The following ADGRL3 variants were observed in gnomAD, a reference collection of about 807,000 sequenced individuals.
ADGRL3 encodes the protein adhesion G protein-coupled receptor L3.
ADGRL3 carries 62 observed loss-of-function variants against 153.5 expected under a neutral mutation model. The ratio of observed to expected loss-of-function variants is 0.40; its 90% CI spans 0.33 to 0.50. ADGRL3 has a LOEUF of 0.50. Among genes scored for constraint, ADGRL3 ranks in the 20% least tolerant of loss-of-function variants. The probability of loss-of-function intolerance (pLI) is 0.47; values close to 1 mark genes in which losing one functional copy is unlikely to be tolerated. For synonymous variants in ADGRL3, 710 were observed against 672.5 expected, an observed-to-expected ratio of 1.06 and a Z score of -0.86; for missense variants, 1,641 against 1,859.4, an observed-to-expected ratio of 0.88 and a Z score of 2.16.
chr4:61,770,867 A>G (rs1239863309), intron 8 of ADGRL3, among the ~76,000 whole-genome samples: 2 of 152,208 alleles, frequency 1.3e-5, no homozygotes, highest in East Asian at 1.9e-4. Flanking sequence ...AAATTGTTAC[A>G]CAAAGCCTTT....
At chr4:61,382,441 C>T (rs969822114) in intron 1 of ADGRL3, among the ~76,000 whole-genome samples, 4 of 151,094 alleles carry the variant, frequency 2.6e-5, no homozygotes, top group African/African-American at 7.3e-5. Flanking sequence ...ATACTTTGAA[C>T]GATAATACTA....
chr4:61,849,953 A>C (rs1366411879), intron 9 of ADGRL3, among the ~76,000 whole-genome samples: 1 of 152,148 alleles, frequency 6.6e-6, no homozygotes, highest in African/African-American at 2.4e-5. Flanking sequence ...ATTCACTTGA[A>C]TTATGACATA....
intron 4 of ADGRL3, among the ~76,000 whole-genome samples, chr4:61,521,777 G>A (rs766559498): frequency 2.0e-5 from 3 of 152,058 alleles, no homozygotes; most frequent in South Asian, 2.1e-4. Context: ...GACAGGAGGA[G>A]ATGGAGAATG....
chr4:61,869,963 AGAGAGAGAGAG>A (rs1561390278), intron 9 of ADGRL3, among the ~76,000 whole-genome samples: 10 of 93,520 alleles, frequency 1.1e-4, no homozygotes, highest in South Asian at 4.0e-4. Flanking sequence ...AAAAAAAAAG[AGAGAGAGAGAG>A]AAAGAGAGAG....
intron 2 of ADGRL3, among the ~76,000 whole-genome samples, chr4:61,407,482 G>A (rs971880269): frequency 4.6e-5 from 7 of 151,896 alleles, no homozygotes; most frequent in Non-Finnish European, 8.8e-5. Context: ...AATGTTGGTG[G>A]TTCTCACAAA....
intron 6 of ADGRL3, among the ~76,000 whole-genome samples, chr4:61,722,715 A>C (rs1224245184): frequency 6.6e-6 from 1 of 152,156 alleles, no homozygotes; most frequent in East Asian, 1.9e-4. Flanking sequence ...AGATAGGTTT[A>C]AGATCTTTAC....
At chr4:61,422,372 A>T (rs887799757) in intron 2 of ADGRL3, among the ~76,000 whole-genome samples, 13 of 152,036 alleles carry the variant, frequency 8.6e-5, no homozygotes, top group African/African-American at 3.1e-4. Flanking sequence ...TTCATTTCTC[A>T]TCATGTATTT....
At chr4:61,760,555 T>TCACC (rs1235515703) in intron 8 of ADGRL3, among the ~76,000 whole-genome samples, 1 of 152,212 alleles carries the variant, frequency 6.6e-6, no homozygotes, top group Non-Finnish European at 1.5e-5. Flanking sequence ...GTGCTGTCTG[T>TCACC]CACCCCTTTC....
intron 17 of ADGRL3, among the ~76,000 whole-genome samples, chr4:61,955,088 T>C (rs949923966): frequency 6.6e-6 from 1 of 152,182 alleles, no homozygotes; most frequent in Non-Finnish European, 1.5e-5. Context: ...TTTTGTTCTA[T>C]AGAGTAGGGG....
At chr4:61,584,591 C>T (rs2098938993) in intron 4 of ADGRL3, among the ~76,000 whole-genome samples, 1 of 151,878 alleles carries the variant, frequency 6.6e-6, no homozygotes, top group African/African-American at 2.4e-5. Context: ...TTTTAAAAAA[C>T]TTAATTGACT....
At position 61,946,806 on chromosome 4, in the gene ADGRL3, T is replaced by A. The variant is rs1004829763; in HGVS notation, c.2420-108T>A. On this transcript the variant is annotated intron_variant, in intron 15 of 26. Transcript: ENST00000683033. ...TTGGTACTTTGGTTGAAATGAATGC[T>A]GGATTTTTTGTGTGAATACATACTA... 20 of 844,200 alleles carry A rather than the reference T, an allele frequency of 2.4e-5. No individual in the cohort carries two copies. In the East Asian group the frequency reaches 3.4e-4, roughly 14 times the overall value. 52.3% of individuals were successfully genotyped at this position (844,200 alleles called of 1,614,324 possible). A position where few individuals can be genotyped will look rare whatever the true frequency, so the allele number is the denominator to read the frequency against.
intron 9 of ADGRL3, among the ~76,000 whole-genome samples, chr4:61,818,863 G>T (rs1403616599): frequency 6.6e-6 from 1 of 151,938 alleles, no homozygotes; most frequent in African/African-American, 2.4e-5. Context: ...ATGTGACCCT[G>T]CCCTGCAATT....
chr4:61,357,011 A>G (rs2096186293), intron 1 of ADGRL3, among the ~76,000 whole-genome samples: 1 of 152,132 alleles, frequency 6.6e-6, no homozygotes, highest in South Asian at 2.1e-4. Context: ...TATTGGTCAA[A>G]TTGTGTGTGT....
chr4:61,951,927 C>T (rs2098948705), intron 17 of ADGRL3, among the ~76,000 whole-genome samples: 1 of 151,970 alleles, frequency 6.6e-6, no homozygotes, highest in Non-Finnish European at 1.5e-5. Context: ...TCAATAAGTC[C>T]TGGTAAAGGG....
intron 1 of ADGRL3, among the ~76,000 whole-genome samples, chr4:61,365,778 T>G (rs1197691468): frequency 1.3e-5 from 2 of 152,246 alleles, no homozygotes; most frequent in Non-Finnish European, 2.9e-5. Flanking sequence ...TTAATTTTTC[T>G]TATTATCTCT....
At chr4:61,777,807 A>C (rs1341284981) in intron 8 of ADGRL3, among the ~76,000 whole-genome samples, 2 of 152,132 alleles carry the variant, frequency 1.3e-5, no homozygotes, top group Admixed American at 1.3e-4. Flanking sequence ...CAGTTCTTAA[A>C]AGTTTTGAGT....
At chr4:61,988,334 T>TA (rs531266933) in intron 19 of ADGRL3, among the ~76,000 whole-genome samples, 9 of 152,088 alleles carry the variant, frequency 5.9e-5, no homozygotes, top group Admixed American at 1.3e-4. Flanking sequence ...ACAATAATCT[T>TA]AAAAAAAACT....
chr4:61,804,961 TTA>T (rs1442874584), intron 8 of ADGRL3, among the ~76,000 whole-genome samples: 22 of 150,070 alleles, frequency 1.5e-4, no homozygotes, highest in African/African-American at 5.2e-4. Flanking sequence ...TTTTATTTAT[TTA>T]TTTTTTTTTT....
intron 5 of ADGRL3, among the ~76,000 whole-genome samples, chr4:61,644,706 G>C (rs973420060): frequency 7.9e-5 from 12 of 152,100 alleles, no homozygotes; most frequent in African/African-American, 2.9e-4. Context: ...TTACTTCCAA[G>C]TATGTGGTCA....
Sources: gnomAD v4.1 joint callset for allele counts (sites outside exome capture counted in the v4.1 genomes callset) on GRCh38, gnomAD v4.1.1 for gene constraint, MANE v1.5 for transcripts, NCBI Gene and HGNC (gene_info 2026-07-23, HGNC 2026-07-21) for gene names.